Variants in XKR4 observed in about 807,000 individuals in gnomAD.
The protein encoded by XKR4 is XK-related protein 4.
In XKR4, 12 loss-of-function variants were observed where a neutral mutation model predicts 53.9. The ratio of observed to expected loss-of-function variants is 0.22; its 90% CI spans 0.14 to 0.36. The LOEUF (loss-of-function observed/expected upper bound fraction) is 0.36, where lower values mean the gene tolerates loss of function less well. XKR4 is among the 10% of genes least tolerant of loss of function. XKR4 has a pLI of 1.00. For synonymous variants in XKR4, 354 were observed against 362.4 expected, an observed-to-expected ratio of 0.98 and a Z score of 0.26; for missense variants, 799 against 859.5, an observed-to-expected ratio of 0.93 and a Z score of 0.88.
intron 1 of XKR4, among the ~76,000 whole-genome samples, chr8:55,125,332 GCGAT>G (rs1280560188): frequency 2.4e-5 from 1 of 42,204 alleles, no homozygotes; most frequent in Non-Finnish European, 4.7e-5. Context: ...CTGGGTTCAA[GCGAT>G]TGATTCTCCT....
At chr8:55,372,547 C>CTT (rs199937774) in intron 2 of XKR4, among the ~76,000 whole-genome samples, 5 of 139,448 alleles carry the variant, frequency 3.6e-5, no homozygotes, top group Non-Finnish European at 3.1e-5. Flanking sequence ...TCCCAGATAG[C>CTT]TTTTTTTTTT....
At chr8:55,139,140 G>C (rs1415913658) in intron 1 of XKR4, among the ~76,000 whole-genome samples, 1 of 152,146 alleles carries the variant, frequency 6.6e-6, no homozygotes, top group Non-Finnish European at 1.5e-5. Flanking sequence ...TTCAAACTCT[G>C]TTTCATCCTA....
chr8:55,153,006 G>A (rs748772664), intron 1 of XKR4, among the ~76,000 whole-genome samples: 13 of 152,138 alleles, frequency 8.5e-5, no homozygotes, highest in Non-Finnish European at 1.3e-4. Context: ...AGCACTAGAG[G>A]CCATAGCTTC....
intron 2 of XKR4, among the ~76,000 whole-genome samples, chr8:55,408,903 A>T (rs574815134): frequency 6.6e-6 from 1 of 150,946 alleles, no homozygotes; most frequent in Non-Finnish European, 1.5e-5. Context: ...GCTACTCAGG[A>T]GGCTGAGGTA....
chr8:55,365,769 G>T (rs1283198108), intron 2 of XKR4, among the ~76,000 whole-genome samples: 4 of 152,022 alleles, frequency 2.6e-5, no homozygotes, highest in Non-Finnish European at 5.9e-5. Flanking sequence ...TGCTGGGAGG[G>T]TGAGAGGATG....
intron 1 of XKR4, among the ~76,000 whole-genome samples, chr8:55,336,488 A>G (rs1011446160): frequency 3.3e-5 from 5 of 152,168 alleles, no homozygotes; most frequent in Non-Finnish European, 7.3e-5. Flanking sequence ...AGTTAATAGC[A>G]TTGTTCCAAT....
At chr8:55,241,908 C>T (rs969711724) in intron 1 of XKR4, among the ~76,000 whole-genome samples, 17 of 152,102 alleles carry the variant, frequency 1.1e-4, no homozygotes, top group Non-Finnish European at 1.9e-4. Context: ...AAACCTAGCT[C>T]TGTGTAGCAA....
At chr8:55,447,178 C>A (rs546826020) in intron 2 of XKR4, among the ~76,000 whole-genome samples, 2 of 151,972 alleles carry the variant, frequency 1.3e-5, no homozygotes, top group African/African-American at 4.8e-5. Flanking sequence ...AGCCAAGAAA[C>A]CATCAAAGCT....
At chr8:55,306,775 TA>T (rs1232606196) in intron 1 of XKR4, among the ~76,000 whole-genome samples, 1 of 152,190 alleles carries the variant, frequency 6.6e-6, no homozygotes. Context: ...TGGATTCATA[TA>T]AGTGCTCAAC....
At chr8:55,281,613 C>T (rs1301609788) in intron 1 of XKR4, among the ~76,000 whole-genome samples, 5 of 152,364 alleles carry the variant, frequency 3.3e-5, no homozygotes, top group Non-Finnish European at 7.3e-5. Context: ...GAAATACAGA[C>T]TGCATGGAGA....
In XKR4 at chr8:55,156,408, G is replaced by C. The variant is rs936408886; in HGVS notation, c.806+53114G>C. On this transcript the variant is annotated intron_variant, in intron 1 of 2. Transcript: ENST00000327381. Reference sequence around the variant, plus strand: ...CGCTGCGCGCATAGTCACGGCGTAAGATGGCGAGGTGGGGGTGGGGAGAGG... The same window carrying C: ...CGCTGCGCGCATAGTCACGGCGTAACATGGCGAGGTGGGGGTGGGGAGAGG... 4.2e-5 allele frequency among the ~76,000 whole-genome samples: 6 copies of C among 142,710 alleles called. No homozygotes were observed. In the Admixed American group the frequency reaches 4.2e-4, roughly 10 times the overall value. The allele number at this position is 142,710 out of a possible 152,430, so 93.6% of individuals were successfully genotyped here. A position where few individuals can be genotyped will look rare whatever the true frequency, so the allele number is the denominator to read the frequency against.
At position 55,418,113 on chromosome 8, in the gene XKR4, C is replaced by T. The variant is rs141138138; in HGVS notation, c.1006+60236C>T. Among the ~76,000 whole-genome samples the T allele has an allele frequency of 5.9e-5, 9 of 152,318 alleles. No individual in the cohort carries two copies. In the East Asian group the frequency reaches 1.7e-3, roughly 29 times the overall value. ...TGCTACAGAGGCCTCAGCCCATCCC[C>T]CTGAGAGGGAAGCCTTTCAACTGTC... On this transcript the variant is annotated intron_variant, in intron 2 of 2. Transcript: ENST00000327381.
intron 1 of XKR4, among the ~76,000 whole-genome samples, chr8:55,287,709 C>T (rs1310131730): frequency 6.6e-6 from 1 of 152,220 alleles, no homozygotes; most frequent in African/African-American, 2.4e-5. Flanking sequence ...CTTTTCCTTC[C>T]TGTCTTCGCC....
intron 1 of XKR4, among the ~76,000 whole-genome samples, chr8:55,222,576 A>G (rs1817895692): frequency 6.6e-6 from 1 of 152,216 alleles, no homozygotes; most frequent in Non-Finnish European, 1.5e-5. Context: ...ATTAACAGCA[A>G]TCCACACGTA....
intron 2 of XKR4, chr8:55,450,150 G>GC (rs1805413599): frequency 1.5e-6 from 1 of 678,424 alleles, no homozygotes. Flanking sequence ...ACCTCTGCAG[G>GC]CGTGAGATGG....
intron 1 of XKR4, among the ~76,000 whole-genome samples, chr8:55,290,718 C>G (rs890049018): frequency 6.6e-6 from 1 of 152,040 alleles, no homozygotes; most frequent in African/African-American, 2.4e-5. Context: ...TGCCCAAGTA[C>G]TAATGGTAAT....
intron 1 of XKR4, among the ~76,000 whole-genome samples, chr8:55,170,696 C>T (rs1817145403): frequency 2.0e-5 from 3 of 152,148 alleles, no homozygotes; most frequent in South Asian, 4.1e-4. Context: ...TTGATTACAC[C>T]CATTTTAACC....
chr8:55,391,056 A>G (rs1241260791), intron 2 of XKR4, among the ~76,000 whole-genome samples: 6 of 152,190 alleles, frequency 3.9e-5, no homozygotes, highest in Non-Finnish European at 1.5e-5. Flanking sequence ...CATTCCTTAC[A>G]ATAAGAGAAA....
intron 1 of XKR4, among the ~76,000 whole-genome samples, chr8:55,220,411 G>A (rs566796347): frequency 1.6e-4 from 25 of 152,266 alleles, no homozygotes; most frequent in East Asian, 1.9e-4. Flanking sequence ...ATGCTGCAAC[G>A]CCAATGAAAG....
Sources: allele counts gnomAD v4.1 joint callset (sites outside exome capture counted in the v4.1 genomes callset), GRCh38; gene constraint gnomAD v4.1.1; transcripts MANE v1.5; gene names NCBI Gene and HGNC (gene_info 2026-07-23, HGNC 2026-07-21).